SYNE2: variants seen among roughly 807,000 people sequenced by gnomAD.
The protein encoded by SYNE2 is nesprin-2.
A neutral mutation model predicts 856.3 loss-of-function variants in SYNE2; 431 were observed. The ratio of observed to expected loss-of-function variants is 0.50; its 90% CI spans 0.47 to 0.55. SYNE2 has a LOEUF of 0.55. Among genes scored for constraint, SYNE2 ranks in the 20% least tolerant of loss-of-function variants. SYNE2 has a pLI of 0.00. For missense variants in SYNE2, 8,129 were observed against 8,023.2 expected, an observed-to-expected ratio of 1.01 and a Z score of -0.50; for synonymous variants, 2,923 against 2,872.3, an observed-to-expected ratio of 1.02 and a Z score of -0.56.
Position 63,993,653 on chromosome 14 carries a change from T to G in SYNE2, c.2647-182T>G, listed in dbSNP as rs2792209. ...CTCTTTTGAAAAGAATTTAAGAGATTTCAAAGGGCTAGCAACCTCGATTTA... is the reference window on the plus strand; with the variant it reads ...CTCTTTTGAAAAGAATTTAAGAGATGTCAAAGGGCTAGCAACCTCGATTTA... On this transcript the variant is annotated intron_variant, in intron 21 of 115. Transcript: ENST00000555002. Among the ~76,000 whole-genome samples the G allele has an allele frequency of 0.51, 76,974 of 151,572 alleles. 20,283 individuals are homozygous for G. The highest frequency in any genetic ancestry group is 0.66 in the African/African-American group (27,302 of 41,232).
chr14:64,094,365 A>T (rs1223428596), intron 61 of SYNE2, among the ~76,000 whole-genome samples: 2 of 152,060 alleles, frequency 1.3e-5, no homozygotes, highest in Non-Finnish European at 2.9e-5. Flanking sequence ...AAATAAAAAA[A>T]CAGTGTCCTG....
intron 1 of SYNE2, among the ~76,000 whole-genome samples, chr14:63,834,917 C>T (rs1889796116): frequency 6.6e-6 from 1 of 152,150 alleles, no homozygotes; most frequent in African/African-American, 2.4e-5. Context: ...GGATTACAGG[C>T]ATGAGTCACC....
At chr14:63,979,947 A>G in intron 14 of SYNE2, among the ~76,000 whole-genome samples, 1 of 152,096 alleles carries the variant, frequency 6.6e-6, no homozygotes, top group East Asian at 1.9e-4. Context: ...GAAAAATCCA[A>G]GATTGTAAAT....
chr14:63,937,347 A>G (rs1373965404), intron 2 of SYNE2, among the ~76,000 whole-genome samples: 1 of 152,160 alleles, frequency 6.6e-6, no homozygotes, highest in Non-Finnish European at 1.5e-5. Context: ...ATGGCTGTAT[A>G]CTCATGGGAA....
chr14:63,857,905 A>AATG (rs1892279072), intron 1 of SYNE2, among the ~76,000 whole-genome samples: 1 of 152,140 alleles, frequency 6.6e-6, no homozygotes, highest in Admixed American at 6.6e-5. Context: ...GTCTTATCTT[A>AATG]GTCCATTTTG....
intron 78 of SYNE2, among the ~76,000 whole-genome samples, chr14:64,134,609 T>A (rs1325388527): frequency 4.6e-5 from 7 of 152,190 alleles, no homozygotes; most frequent in Non-Finnish European, 8.8e-5. Flanking sequence ...ATATTTCGTT[T>A]TATTCCTACA....
chr14:63,978,981 A>C lies in SYNE2; in HGVS notation c.1536A>C (p.Arg512Ser), dbSNP rs989652215. The C allele has an allele frequency of 4.3e-6, 7 of 1,613,816 alleles. No individual in the cohort carries two copies. The African/African-American group carries it at 9.3e-5, about 22-fold the overall frequency. Residue 512 changes from arginine (R) to serine (S), a missense_variant, in exon 14 of 116, where the codon AGA (arginine) becomes AGC (serine). Physicochemically the swap from Arg to Ser is moderately radical, Grantham distance 110. This residue lies in a region of SYNE2 where 2,422 missense variants were observed against 2,357.4 expected (regional missense o/e 1.03). Transcript: ENST00000555002. ...TTTGGAACATTAAATATGGGAGCAG[A>C]GAATCTGTGGAATTATTGCTGGAAG... ...LDIWNIKYGS[R>S]ESVELLLEDW...
intron 2 of SYNE2, among the ~76,000 whole-genome samples, chr14:63,916,535 T>G (rs2095535393): frequency 6.7e-6 from 1 of 149,062 alleles, no homozygotes; most frequent in Admixed American, 6.6e-5. Context: ...AATTTTATTA[T>G]GAGTGAGTGG....
Position 64,132,424 on chromosome 14 carries a change from C to T in SYNE2, c.14500C>T (p.Gln4834Ter). The T allele has an allele frequency of 6.2e-7, 1 of 1,614,126 alleles. No homozygotes were observed. Among genetic ancestry groups the T allele is most frequent in the East Asian group, 2.2e-5 (1 of 44,876 alleles). The change falls in exon 77 of 116, where the codon CAG (glutamine) becomes TAG (stop). Residue 4834 changes from glutamine (Q) to a stop codon, truncating the protein, a stop_gained. Coordinates refer to ENST00000555002, the MANE Select transcript of SYNE2 (RefSeq NM_182914.3). LOFTEE classifies it high-confidence loss of function. ...GTCACGCCAATGTGGTATGAAGCTG[C>T]AGAGTTTGTTGCAGGTATTTGGGTT... Reference protein sequence around the residue: ...EKSRQCGMKLQSLLQKWEEFD... With the variant: ...EKSRQCGMKL
intron 112 of SYNE2, among the ~76,000 whole-genome samples, chr14:64,222,475 C>T (rs957075317): frequency 2.0e-5 from 3 of 152,154 alleles, no homozygotes; most frequent in Non-Finnish European, 4.4e-5. Flanking sequence ...GAGCCTGAGA[C>T]GGGCGGATCG....
intron 1 of SYNE2, among the ~76,000 whole-genome samples, chr14:63,830,580 G>A (rs1049195559): frequency 6.6e-6 from 1 of 151,822 alleles, no homozygotes; most frequent in Non-Finnish European, 1.5e-5. Flanking sequence ...AGGATTGCAT[G>A]AGCCCAGGTG....
Position 64,007,196 on chromosome 14 carries a change from G to T in SYNE2, c.4551G>T (p.Glu1517Asp). ...QQCQNTVVLWENTKALVTECL... is the reference protein window; with the variant it reads ...QQCQNTVVLWDNTKALVTECL... ...GCCAAAATACAGTAGTCTTGTGGGA[G>T]AATACCAAAGCCTTGGTCACCGAAT... The change falls in exon 31 of 116, where the codon GAG (glutamate) becomes GAT (aspartate). Residue 1517 changes from glutamate (E) to aspartate (D), a missense_variant. By Grantham distance (45) the Glu-to-Asp change is conservative. Transcript: ENST00000555002. 1 of 1,614,058 alleles carries T rather than the reference G, an allele frequency of 6.2e-7. No homozygotes were observed. Among genetic ancestry groups the T allele is most frequent in the Non-Finnish European group, 8.5e-7 (1 of 1,179,966 alleles).
chr14:64,203,776 G>A (rs2098591193), intron 100 of SYNE2, among the ~76,000 whole-genome samples: 1 of 152,200 alleles, frequency 6.6e-6, no homozygotes, highest in Non-Finnish European at 1.5e-5. Flanking sequence ...TCTCAGACTT[G>A]AATCTGTTTT....
chr14:64,003,314 C>A lies in SYNE2; in HGVS notation c.4381C>A (p.Pro1461Thr), dbSNP rs768280052. Residue 1461 changes from proline (P) to threonine (T), a missense_variant, in exon 30 of 116, where the codon CCA becomes ACA. Transcript: ENST00000555002. ...AATTGGTCTTAAGGATCCTACTGTTCCAGCTGTGAAACATCGGTAAGTATT... is the reference window on the plus strand; with the variant it reads ...AATTGGTCTTAAGGATCCTACTGTTACAGCTGTGAAACATCGGTAAGTATT... ...SKIGLKDPTV[P>T]AVKHRKKSLI... 4.3e-6 allele frequency: 7 copies of A among 1,613,934 alleles called. No homozygotes were observed. The highest frequency in any genetic ancestry group is 1.6e-4 in the Middle Eastern group (1 of 6,084).
At chr14:64,215,565 A>AC (rs138806575) in intron 107 of SYNE2, 41,714 of 627,370 alleles carry the variant, frequency 0.066, 1,687 homozygotes, top group Non-Finnish European at 0.077. Flanking sequence ...CTCGATGCCA[A>AC]CCCCCTCTCC....
intron 68 of SYNE2, among the ~76,000 whole-genome samples, chr14:64,121,750 T>G (rs2097900621): frequency 1.3e-5 from 2 of 152,268 alleles, no homozygotes; most frequent in Admixed American, 6.5e-5. Context: ...GTTGCGACTC[T>G]GCTTTGCCTG....
chr14:63,941,864 A>G (rs2095921453), intron 4 of SYNE2, 21 bp from the exon 5 acceptor site: 3 of 1,612,566 alleles, frequency 1.9e-6, no homozygotes, highest in Non-Finnish European at 2.5e-6. Flanking sequence ...TCTGAGTAAT[A>G]TATTTGCTTG....
chr14:64,190,912 A>G (rs2098515379), intron 99 of SYNE2: 2 of 699,576 alleles, frequency 2.9e-6, no homozygotes, highest in African/African-American at 3.5e-5. Flanking sequence ...TTCCCTCTCT[A>G]AAGACAAACT....
intron 51 of SYNE2, among the ~76,000 whole-genome samples, chr14:64,067,536 T>C (rs149670507): frequency 2.8e-4 from 43 of 152,354 alleles, no homozygotes; most frequent in Non-Finnish European, 4.6e-4. Flanking sequence ...CATGTAAGCT[T>C]CTGTTAGCAT....
Sources: gnomAD v4.1 joint callset for allele counts (sites outside exome capture counted in the v4.1 genomes callset) on GRCh38, gnomAD v4.1.1 for gene constraint, gnomAD v4.1.1 regional missense constraint, MANE v1.5 for transcripts, NCBI Gene and HGNC (gene_info 2026-07-23, HGNC 2026-07-21) for gene names.